GPC6: variants seen among roughly 807,000 people sequenced by gnomAD.
GPC6 encodes the protein glypican-6.
A neutral mutation model predicts 55.2 loss-of-function variants in GPC6; 14 were observed. The ratio of observed to expected loss-of-function variants is 0.25; its 90% CI spans 0.17 to 0.40. The LOEUF is 0.40. Among genes scored for constraint, GPC6 ranks in the 10% least tolerant of loss-of-function variants. GPC6 has a pLI of 1.00. For synonymous variants in GPC6, 278 were observed against 259.6 expected (o/e 1.07, Z -0.68); for missense variants, 641 against 708.5 (o/e 0.90, Z 1.08).
intron 2 of GPC6, among the ~76,000 whole-genome samples, chr13:93,623,766 C>G (rs537691641): frequency 7.2e-5 from 11 of 152,048 alleles, no homozygotes; most frequent in African/African-American, 2.7e-4. Flanking sequence ...CCTCTTTGGT[C>G]TTTTTGATAA....
chr13:93,281,961 A>G lies in GPC6; in HGVS notation c.160+54345A>G, dbSNP rs115725778. ...CTTTTGAGTTTATTTCTTGACGCTG[A>G]TGGAAAGGTAAAAAGGTGAGGTGCG... On this transcript the variant is annotated intron_variant, in intron 1 of 8. Transcript: ENST00000377047. 2.1e-3 allele frequency among the ~76,000 whole-genome samples: 326 copies of G among 152,326 alleles called. 2 individuals carry two copies. Among genetic ancestry groups the G allele is most frequent in the African/African-American group, 7.7e-3 (321 of 41,578 alleles).
chr13:93,290,462 C>T (rs1878282525), intron 1 of GPC6, among the ~76,000 whole-genome samples: 1 of 152,092 alleles, frequency 6.6e-6, no homozygotes, highest in Admixed American at 6.6e-5. Flanking sequence ...TAAATTGGTT[C>T]ATTTTATTGT....
chr13:93,967,585 C>G (rs1466543711), intron 3 of GPC6, among the ~76,000 whole-genome samples: 2 of 152,148 alleles, frequency 1.3e-5, no homozygotes, highest in Non-Finnish European at 2.9e-5. Flanking sequence ...TCTGCTTCCC[C>G]TCACCTGCCT....
At chr13:93,694,657 T>G (rs1882383442) in intron 2 of GPC6, among the ~76,000 whole-genome samples, 1 of 152,174 alleles carries the variant, frequency 6.6e-6, no homozygotes, top group Admixed American at 6.5e-5. Flanking sequence ...GATGCAGGCT[T>G]CGGAAGAATA....
chr13:94,154,433 C>A (rs781107334), intron 4 of GPC6: 1 of 152,122 alleles, frequency 6.6e-6, no homozygotes, highest in Non-Finnish European at 1.5e-5. Flanking sequence ...TGGAAGTTAA[C>A]AAGAGCAGTG....
rs181262601 is a variant in GPC6 at position 94,186,505 on chromosome 13, A to G, written c.878-99844A>G. On this transcript the variant is annotated intron_variant, in intron 4 of 8. Transcript: ENST00000377047. ...AAATTGATATTTAATGGGTTGCTCAATTTTACAAATAACATAAGAAGGTTT... is the reference window on the plus strand; with the variant it reads ...AAATTGATATTTAATGGGTTGCTCAGTTTTACAAATAACATAAGAAGGTTT... Among the ~76,000 whole-genome samples, 45 of 152,220 alleles carry G rather than the reference A, an allele frequency of 3.0e-4. 1 individual carries two copies. The highest frequency in any genetic ancestry group is 7.5e-4 in the African/African-American group (31 of 41,522).
chr13:93,348,212 GA>G (rs1057121629), intron 1 of GPC6, among the ~76,000 whole-genome samples: 1 of 152,168 alleles, frequency 6.6e-6, no homozygotes, highest in Non-Finnish European at 1.5e-5. Context: ...TGGGCAACAT[GA>G]CTAGTATGTG....
intron 4 of GPC6, among the ~76,000 whole-genome samples, chr13:94,131,144 A>G (rs1345674212): frequency 1.3e-5 from 2 of 152,110 alleles, no homozygotes; most frequent in African/African-American, 4.8e-5. Context: ...AGATTCCTAA[A>G]ATATAAGTAC....
At chr13:93,462,472 T>A (rs1363578929) in intron 1 of GPC6, among the ~76,000 whole-genome samples, 1 of 152,074 alleles carries the variant, frequency 6.6e-6, no homozygotes, top group African/African-American at 2.4e-5. Flanking sequence ...ACATTAGGAT[T>A]GGAAGGCAGA....
chr13:93,807,914 T>C (rs1886586892), intron 2 of GPC6, among the ~76,000 whole-genome samples: 1 of 152,236 alleles, frequency 6.6e-6, no homozygotes, highest in Non-Finnish European at 1.5e-5. Context: ...AAGAGGTTTC[T>C]GGGACATCGG....
chr13:94,399,798 A>C (rs1881051893), intron 8 of GPC6, among the ~76,000 whole-genome samples: 1 of 152,218 alleles, frequency 6.6e-6, no homozygotes, highest in Non-Finnish European at 1.5e-5. Context: ...TAATCCCATT[A>C]TCTCTCCTCC....
At chr13:94,019,259 G>C (rs1882607722) in intron 3 of GPC6, among the ~76,000 whole-genome samples, 1 of 152,108 alleles carries the variant, frequency 6.6e-6, no homozygotes, top group African/African-American at 2.4e-5. Flanking sequence ...GTCTATTCAT[G>C]TTTTTTATTT....
intron 2 of GPC6, among the ~76,000 whole-genome samples, chr13:93,718,014 T>G (rs1883312698): frequency 6.6e-6 from 1 of 152,038 alleles, no homozygotes; most frequent in Non-Finnish European, 1.5e-5. Flanking sequence ...CTATTACTAA[T>G]GGACATTTGA....
At chr13:94,119,883 A>G (rs1435299077) in intron 4 of GPC6, among the ~76,000 whole-genome samples, 1 of 152,104 alleles carries the variant, frequency 6.6e-6, no homozygotes. Context: ...GAGACTAAGC[A>G]GGACGTTGCT....
chr13:93,269,038 C>T (rs1321467768), intron 1 of GPC6, among the ~76,000 whole-genome samples: 1 of 151,884 alleles, frequency 6.6e-6, no homozygotes, highest in Non-Finnish European at 1.5e-5. Flanking sequence ...TTAGTTGAAA[C>T]AAATAAGGTA....
intron 1 of GPC6, among the ~76,000 whole-genome samples, chr13:93,402,250 A>C (rs1316099909): frequency 2.0e-5 from 3 of 152,138 alleles, no homozygotes; most frequent in African/African-American, 7.2e-5. Context: ...TTCCACTATG[A>C]GATAATACAT....
chr13:93,256,519 G>A (rs1315203315), intron 1 of GPC6, among the ~76,000 whole-genome samples: 2 of 152,072 alleles, frequency 1.3e-5, no homozygotes, highest in African/African-American at 4.8e-5. Context: ...TGAAAGGCAG[G>A]ATCAGGTCTC....
intron 2 of GPC6, among the ~76,000 whole-genome samples, chr13:93,705,663 A>G (rs1326270968): frequency 2.6e-5 from 4 of 151,798 alleles, no homozygotes; most frequent in African/African-American, 4.8e-5. Flanking sequence ...ATTGGGGATC[A>G]AAACATGAGA....
At chr13:93,652,699 A>T (rs577165925) in intron 2 of GPC6, among the ~76,000 whole-genome samples, 2 of 152,258 alleles carry the variant, frequency 1.3e-5, no homozygotes, top group South Asian at 4.2e-4. Context: ...TCCTCATTTC[A>T]AGCACTAACA....
Sources: gnomAD v4.1 joint callset for allele counts (sites outside exome capture counted in the v4.1 genomes callset) on GRCh38, gnomAD v4.1.1 for gene constraint, MANE v1.5 for transcripts, NCBI Gene and HGNC (gene_info 2026-07-23, HGNC 2026-07-21) for gene names.